IGF2R: variants seen among roughly 807,000 people sequenced by gnomAD.
The protein encoded by IGF2R is insulin like growth factor 2 receptor, also known as cation-independent mannose-6-phosphate receptor.
In IGF2R, 91 loss-of-function variants were observed where a neutral mutation model predicts 270.6. That is an observed-to-expected ratio of 0.34 (90% CI 0.28 to 0.40). The LOEUF is 0.40. Among genes scored for constraint, IGF2R ranks in the 10% least tolerant of loss-of-function variants. The pLI, the probability that IGF2R is intolerant of heterozygous loss-of-function variation, is 1.00. For synonymous variants in IGF2R, 1,316 were observed against 1,258.9 expected (o/e 1.05, Z -0.96); for missense variants, 2,805 against 3,188.3 (o/e 0.88, Z 2.90).
chr6:160,027,212 T>C lies in IGF2R; in HGVS notation c.674T>C (p.Leu225Pro), dbSNP rs994035822. The C allele has an allele frequency of 4.3e-6, 7 of 1,614,148 alleles. No homozygotes were observed. The East Asian group carries it at 6.7e-5, about 15-fold the overall frequency. Residue 225 changes from leucine (L) to proline (P), a missense_variant, in exon 6 of 48, where the codon CTG becomes CCG. Leu to Pro is a moderately conservative substitution (Grantham distance 98). Coordinates refer to ENST00000356956, the MANE Select transcript of IGF2R (RefSeq NM_000876.4). ...ACACTACGAGACCCAGGTTCACAGC[T>C]GCGGGCCTGTCCCCCCGGCACTGCC... ...IDTLRDPGSQ[L>P]RACPPGTAAC...
In IGF2R at chr6:160,102,646, C is replaced by G. The variant is rs1429013700; in HGVS notation, c.6970C>G (p.Leu2324Val). 1 of 1,609,890 alleles carries G rather than the reference C, an allele frequency of 6.2e-7. No homozygotes were observed. Among genetic ancestry groups the G allele is most frequent in the South Asian group, 1.1e-5 (1 of 90,694 alleles). ...GGCGCTCACCTGCTGCCTGCTGGCCCTGTTGCTCTACAAGAAGGAGAGGAG... is the reference window on the plus strand; with the variant it reads ...GGCGCTCACCTGCTGCCTGCTGGCCGTGTTGCTCTACAAGAAGGAGAGGAG... ...LVALTCCLLALLLYKKERRET... is the reference protein window; with the variant it reads ...LVALTCCLLAVLLYKKERRET... The change falls in exon 46 of 48, where the codon CTG becomes GTG. Residue 2324 changes from leucine to valine, a missense_variant. By Grantham distance (32) the Leu-to-Val change is conservative. This residue lies in a region of IGF2R where 1,851 missense variants were observed against 2,207.2 expected (regional missense o/e 0.84). Coordinates refer to ENST00000356956, the MANE Select transcript of IGF2R (RefSeq NM_000876.4). The surrounding 1 kb of genome is among the most constrained non-coding windows in gnomAD (Gnocchi z 4.5).
intron 45 of IGF2R, among the ~76,000 whole-genome samples, chr6:160,099,958 T>C (rs542283772): frequency 6.6e-6 from 1 of 152,362 alleles, no homozygotes; most frequent in East Asian, 1.9e-4. Context: ...TTAGACTTCC[T>C]GTCTTAGTAT....
chr6:160,012,764 T>TATATA (rs538085462), intron 4 of IGF2R, among the ~76,000 whole-genome samples: 34 of 60,430 alleles, frequency 5.6e-4, no homozygotes, highest in African/African-American at 1.4e-3. Flanking sequence ...TATATATATA[T>TATATA]TTTTTTTTTT....
intron 4 of IGF2R, among the ~76,000 whole-genome samples, chr6:160,021,783 G>A (rs1194307382): frequency 1.3e-5 from 2 of 152,030 alleles, no homozygotes; most frequent in East Asian, 3.9e-4. Context: ...ACCATTGGTG[G>A]GAATGTAAAT....
chr6:160,001,183 C>T (rs9346805), intron 2 of IGF2R, among the ~76,000 whole-genome samples: 16,501 of 152,070 alleles, frequency 0.11, 1,007 homozygotes, highest in Non-Finnish European at 0.14. Flanking sequence ...TATTTACAGC[C>T]GCTCCCCATT....
intron 45 of IGF2R, among the ~76,000 whole-genome samples, chr6:160,100,461 A>C (rs1427442420): frequency 6.6e-6 from 1 of 152,182 alleles, no homozygotes. Flanking sequence ...ACTTCCATCT[A>C]CCTAATAAAA....
At chr6:160,088,908 C>A (rs921203148) in intron 42 of IGF2R, among the ~76,000 whole-genome samples, 199 bp from the exon 43 acceptor site, 2 of 152,214 alleles carry the variant, frequency 1.3e-5, no homozygotes, top group Non-Finnish European at 2.9e-5. Context: ...TCCGAGCTGC[C>A]GTCAGTGTTG....
intron 45 of IGF2R, among the ~76,000 whole-genome samples, chr6:160,097,769 T>C (rs1041917654): frequency 6.6e-6 from 1 of 151,890 alleles, no homozygotes; most frequent in Admixed American, 6.6e-5. Flanking sequence ...GTGGTGGGGG[T>C]CATGGGGGAA....
intron 12 of IGF2R, 148 bp from the exon 13 acceptor site, chr6:160,044,366 A>T: frequency 1.4e-6 from 1 of 732,358 alleles, no homozygotes. Context: ...TGGTGGGTTC[A>T]GGGGGCTGGA....
rs1779712420 is a variant in IGF2R, at chr6:160,110,113, A to G, written c.*5029A>G. ...GTTGCTGACCACACGTGAAATCACA[A>G]TAGAAAATGGCCAGCAGGCCTCCAG... On this transcript the variant is annotated 3_prime_UTR_variant, in exon 48 of 48. Transcript: ENST00000356956. 1 of 152,252 alleles carries G rather than the reference A, an allele frequency of 6.6e-6. No individual in the cohort carries two copies. Among genetic ancestry groups the G allele is most frequent in the African/African-American group, 2.4e-5 (1 of 41,464 alleles). The allele number at this position is 152,252 out of a possible 1,614,324, so 9.4% of individuals were successfully genotyped here.
intron 19 of IGF2R, among the ~76,000 whole-genome samples, chr6:160,055,611 C>T (rs1277333191): frequency 5.3e-5 from 8 of 152,142 alleles, no homozygotes; most frequent in Admixed American, 4.6e-4. Context: ...GGTAGAGAGC[C>T]CTTGACGGCC....
chr6:159,980,353 G>C (rs1180655901), intron 1 of IGF2R, among the ~76,000 whole-genome samples: 2 of 152,156 alleles, frequency 1.3e-5, no homozygotes, highest in African/African-American at 4.8e-5. Context: ...TTTAGGCTGC[G>C]ATGGAGATAG....
intron 19 of IGF2R, among the ~76,000 whole-genome samples, chr6:160,055,680 G>A (rs1778297068): frequency 1.3e-5 from 2 of 152,274 alleles, no homozygotes; most frequent in South Asian, 4.1e-4. Flanking sequence ...CTGGGCAGGT[G>A]TCTTAACTTC....
intron 20 of IGF2R, 21 bp from the exon 21 acceptor site, chr6:160,058,002 T>A: frequency 6.5e-7 from 1 of 1,527,856 alleles, no homozygotes; most frequent in Non-Finnish European, 9.1e-7. Flanking sequence ...CGCCCCTTTT[T>A]CCCCATTTTG....
chr6:160,020,366 T>A (rs897250864), intron 4 of IGF2R, among the ~76,000 whole-genome samples: 6 of 152,170 alleles, frequency 3.9e-5, no homozygotes, highest in Non-Finnish European at 7.4e-5. Flanking sequence ...TTAAAATGAT[T>A]ATATTGCCCG....
At chr6:159,994,712 G>A (rs1361165018) in intron 2 of IGF2R, among the ~76,000 whole-genome samples, 1 of 152,128 alleles carries the variant, frequency 6.6e-6, no homozygotes, top group Non-Finnish European at 1.5e-5. Context: ...AGGTTATTCA[G>A]GAGCAGGTTG....
intron 2 of IGF2R, among the ~76,000 whole-genome samples, chr6:159,995,173 T>A (rs1784033173): frequency 6.6e-6 from 1 of 152,150 alleles, no homozygotes. Flanking sequence ...ATTGATCCCG[T>A]TATCATTATT....
At chr6:160,059,416 A>G (rs1224521926) in intron 22 of IGF2R, among the ~76,000 whole-genome samples, 1 of 152,056 alleles carries the variant, frequency 6.6e-6, no homozygotes, top group African/African-American at 2.4e-5. Context: ...TTTATTGTTG[A>G]TCTCTTGCTG....
intron 45 of IGF2R, among the ~76,000 whole-genome samples, chr6:160,097,169 G>A (rs1188526076): frequency 1.3e-5 from 2 of 152,248 alleles, no homozygotes; most frequent in African/African-American, 4.8e-5. Context: ...TGAGAACAGA[G>A]GGAGCAGTTT....
Sources: gnomAD v4.1 joint callset for allele counts (sites outside exome capture counted in the v4.1 genomes callset) on GRCh38, gnomAD v4.1.1 for gene constraint, gnomAD v4.1.1 regional missense constraint, Gnocchi (gnomAD v3.1) non-coding constraint, MANE v1.5 for transcripts, NCBI Gene and HGNC (gene_info 2026-07-23, HGNC 2026-07-21) for gene names.